TAOK3: variants seen among roughly 807,000 people sequenced by gnomAD.
The protein encoded by TAOK3 is TAO kinase 3.
TAOK3 carries 40 observed loss-of-function variants against 120.4 expected under a neutral mutation model. The ratio of observed to expected loss-of-function variants is 0.33; its 90% confidence interval spans 0.26 to 0.43. TAOK3 has a LOEUF of 0.43. TAOK3 is among the 20% of genes least tolerant of loss of function. The pLI is 1.00. For missense variants in TAOK3, 821 were observed against 1,112.1 expected (o/e 0.74, Z 3.72); for synonymous variants, 355 against 387.5 (o/e 0.92, Z 0.99).
At chr12:118,188,074 T>A (rs2037182501) in intron 14 of TAOK3, among the ~76,000 whole-genome samples, 1 of 152,052 alleles carries the variant, frequency 6.6e-6, no homozygotes, top group Non-Finnish European at 1.5e-5. Context: ...GATGTGGGAA[T>A]GAGGGTGTGG....
chr12:118,343,324 G>C (rs1262862684), intron 1 of TAOK3, among the ~76,000 whole-genome samples: 1 of 151,932 alleles, frequency 6.6e-6, no homozygotes, highest in Non-Finnish European at 1.5e-5. Context: ...CTACTCAGGA[G>C]GGTGGGGTGG....
intron 13 of TAOK3, among the ~76,000 whole-genome samples, chr12:118,197,218 G>A (rs1024675839): frequency 6.6e-6 from 1 of 152,010 alleles, no homozygotes; most frequent in African/African-American, 2.4e-5. Context: ...TTGCAAATGT[G>A]TTTTGATTTT....
intron 1 of TAOK3, among the ~76,000 whole-genome samples, chr12:118,347,181 A>C (rs959734249): frequency 2.0e-5 from 3 of 152,010 alleles, no homozygotes; most frequent in Admixed American, 1.3e-4. Context: ...TTTTTTTAAA[A>C]AAATTATCAT....
At chr12:118,336,452 A>C (rs2044370517) in intron 1 of TAOK3, among the ~76,000 whole-genome samples, 1 of 152,218 alleles carries the variant, frequency 6.6e-6, no homozygotes, top group South Asian at 2.1e-4. Flanking sequence ...AAATTAACTC[A>C]AAATCAATTA....
chr12:118,214,652 C>T (rs1479863538), intron 9 of TAOK3, among the ~76,000 whole-genome samples: 1 of 151,354 alleles, frequency 6.6e-6, no homozygotes, highest in Non-Finnish European at 1.5e-5. Flanking sequence ...TCTGCAACCT[C>T]TGCCTCCTGG....
chr12:118,181,960 A>T (rs534432505), intron 14 of TAOK3, among the ~76,000 whole-genome samples: 20 of 152,288 alleles, frequency 1.3e-4, no homozygotes, highest in African/African-American at 4.8e-4. Flanking sequence ...TGAGGCAGGC[A>T]GACCACTTGA....
At chr12:118,281,659 G>A (rs1202727690) in intron 1 of TAOK3, among the ~76,000 whole-genome samples, 3 of 151,446 alleles carry the variant, frequency 2.0e-5, no homozygotes, top group Non-Finnish European at 2.9e-5. Context: ...TGGTGGGTAC[G>A]TGTAATCCCA....
chr12:118,268,957 G>A (rs1337770326), intron 1 of TAOK3, among the ~76,000 whole-genome samples: 3 of 151,982 alleles, frequency 2.0e-5, no homozygotes, highest in Non-Finnish European at 4.4e-5. Flanking sequence ...GGGGTGAGCC[G>A]AGATCATGCC....
chr12:118,353,071 C>T (rs1014730167), intron 1 of TAOK3, among the ~76,000 whole-genome samples: 6 of 152,110 alleles, frequency 3.9e-5, no homozygotes, highest in African/African-American at 9.7e-5. Context: ...TCTTCAAAAT[C>T]AGTTTCCTCC....
chr12:118,324,350 T>C (rs990035497), intron 1 of TAOK3, among the ~76,000 whole-genome samples: 31 of 152,200 alleles, frequency 2.0e-4, no homozygotes, highest in African/African-American at 7.0e-4. Context: ...ACAATATAGA[T>C]ACATATCAAG....
chr12:118,179,858 C>T (rs1171884355), intron 15 of TAOK3, among the ~76,000 whole-genome samples: 1 of 150,202 alleles, frequency 6.7e-6, no homozygotes, highest in Non-Finnish European at 1.5e-5. Flanking sequence ...GTTGGCCAGG[C>T]TGGTCTCAAA....
chr12:118,224,601 A>G (rs572763131), intron 9 of TAOK3, among the ~76,000 whole-genome samples: 1 of 152,352 alleles, frequency 6.6e-6, no homozygotes, highest in African/African-American at 2.4e-5. Flanking sequence ...ATCCTGAAAA[A>G]TAAAATATCT....
At chr12:118,245,025 T>C in intron 3 of TAOK3, 60 bp from the exon 4 acceptor site, 2 of 1,160,282 alleles carry the variant, frequency 1.7e-6, no homozygotes. Context: ...CCAATTTAAC[T>C]TAAATATTTG....
chr12:118,259,918 C>T (rs1289363257), intron 2 of TAOK3, among the ~76,000 whole-genome samples: 1 of 152,114 alleles, frequency 6.6e-6, no homozygotes, highest in African/African-American at 2.4e-5. Context: ...GAGAAAACTA[C>T]CTTAGACCAG....
chr12:118,355,873 C>G (rs148926841), intron 1 of TAOK3, among the ~76,000 whole-genome samples: 61 of 152,244 alleles, frequency 4.0e-4, no homozygotes, highest in African/African-American at 1.0e-3. Flanking sequence ...ATCAATTTTA[C>G]AGAAGAAGAA....
chr12:118,229,980 A>G (rs2039690687), intron 9 of TAOK3, among the ~76,000 whole-genome samples: 1 of 152,176 alleles, frequency 6.6e-6, no homozygotes, highest in East Asian at 1.9e-4. Context: ...ATGCCAGGCC[A>G]TGTTCTAAGC....
intron 1 of TAOK3, among the ~76,000 whole-genome samples, chr12:118,333,183 C>T (rs1023341726): frequency 1.1e-4 from 17 of 152,172 alleles, no homozygotes; most frequent in African/African-American, 4.1e-4. Context: ...GTAGAATATA[C>T]ATTCTTCTCA....
Position 118,233,681 on chromosome 12 carries a change from A to T in TAOK3, c.636T>A (p.Ile212=). ...AAATAACTCTTTACTCACCCAATTC[A>T]ATACAAGTGATGCCAAGTGACCAAA... ...VDIWSLGITC[I]ELAERKPPLF... Residue 212 remains isoleucine, a synonymous_variant, in exon 9 of 21, where the codon ATT becomes ATA. Transcript: ENST00000392533. 1 of 1,606,376 alleles carries T rather than the reference A, an allele frequency of 6.2e-7. No homozygotes were observed. Among genetic ancestry groups the T allele is most frequent in the East Asian group, 2.2e-5 (1 of 44,582 alleles).
At chr12:118,320,650 A>G (rs923821715) in intron 1 of TAOK3, among the ~76,000 whole-genome samples, 1 of 152,182 alleles carries the variant, frequency 6.6e-6, no homozygotes, top group African/African-American at 2.4e-5. Flanking sequence ...TTTTATTATT[A>G]AAGAAACAAA....
Sources: gnomAD v4.1 joint callset for allele counts (sites outside exome capture counted in the v4.1 genomes callset) on GRCh38, gnomAD v4.1.1 for gene constraint, MANE v1.5 for transcripts, NCBI Gene and HGNC (gene_info 2026-07-23, HGNC 2026-07-21) for gene names.